Variants in BIRC6 observed in about 807,000 individuals in gnomAD.
BIRC6 encodes dual E2 ubiquitin-conjugating enzyme/E3 ubiquitin-protein ligase BIRC6.
Under a neutral mutation model 503.3 loss-of-function variants are expected in BIRC6, and 98 were observed. The ratio of observed to expected loss-of-function variants is 0.19; its 90% confidence interval spans 0.17 to 0.23. The LOEUF (loss-of-function observed/expected upper bound fraction) is 0.23, where lower values mean the gene tolerates loss of function less well. Ranked by LOEUF, BIRC6 falls within the 10% of genes least tolerant of loss-of-function variation. The pLI is 1.00. For missense variants in BIRC6, 5,360 were observed against 5,806.0 expected (o/e 0.92, Z 2.50); for synonymous variants, 2,240 against 2,078.7 (o/e 1.08, Z -2.11).
At chr2:32,547,459 A>G (rs2058128112) in intron 63 of BIRC6, among the ~76,000 whole-genome samples, 1 of 152,112 alleles carries the variant, frequency 6.6e-6, no homozygotes. Context: ...GAATCATGTA[A>G]TGTGTTGTTC....
At chr2:32,573,350 G>A (rs1396332897) in intron 65 of BIRC6, among the ~76,000 whole-genome samples, 2 of 151,916 alleles carry the variant, frequency 1.3e-5, no homozygotes, top group Non-Finnish European at 2.9e-5. Flanking sequence ...GACCTGTGCC[G>A]CCATGCCTAG....
chr2:32,473,878 C>T (rs942277567), intron 33 of BIRC6, among the ~76,000 whole-genome samples: 4 of 151,166 alleles, frequency 2.6e-5, no homozygotes, highest in Admixed American at 6.6e-5. Context: ...CTTAGCTTTC[C>T]GAGTAGCTGG....
intron 26 of BIRC6, among the ~76,000 whole-genome samples, chr2:32,465,485 A>C (rs996786729): frequency 8.6e-5 from 13 of 152,038 alleles, no homozygotes; most frequent in African/African-American, 3.1e-4. Context: ...AATATTCCTA[A>C]AACTAGCCTT....
intron 10 of BIRC6, among the ~76,000 whole-genome samples, chr2:32,427,123 A>T (rs1345690580): frequency 6.6e-6 from 1 of 152,108 alleles, no homozygotes; most frequent in Non-Finnish European, 1.5e-5. Flanking sequence ...TTTGAGGGTC[A>T]TTGAACTTGA....
At chr2:32,518,495 A>G in intron 56 of BIRC6, 98 bp downstream of exon 56, 1 of 1,270,366 alleles carries the variant, frequency 7.9e-7, no homozygotes, top group South Asian at 1.4e-5. Context: ...CTTCGAGTAT[A>G]GCAAAGTGAA....
chr2:32,573,552 T>G (rs1424164389), intron 65 of BIRC6, among the ~76,000 whole-genome samples: 4 of 152,114 alleles, frequency 2.6e-5, no homozygotes, highest in Non-Finnish European at 4.4e-5. Flanking sequence ...AGATGTTAGA[T>G]CCTTATCTCA....
chr2:32,588,457 T>C lies in BIRC6; in HGVS notation c.13356-5458T>C, dbSNP rs150266912. ...TGATTTGGTATCCACTTTCGTAGAT[T>C]AGGGCAATGTCTTGGTGATAAAATG... On this transcript the variant is annotated intron_variant, in intron 66 of 73. Coordinates refer to ENST00000421745, the MANE Select transcript of BIRC6 (RefSeq NM_016252.4). 2.9e-4 allele frequency among the ~76,000 whole-genome samples: 44 copies of C among 152,334 alleles called. No homozygotes were observed. The East Asian group carries it at 8.5e-3, about 29-fold the overall frequency.
chr2:32,390,535 G>A (rs1270744535), intron 4 of BIRC6, among the ~76,000 whole-genome samples: 3 of 152,070 alleles, frequency 2.0e-5, no homozygotes, highest in South Asian at 2.1e-4. Context: ...GGCTGGTCTC[G>A]AACTCCTGAC....
At chr2:32,542,085 A>C (rs889930546) in intron 61 of BIRC6, among the ~76,000 whole-genome samples, 2 of 151,908 alleles carry the variant, frequency 1.3e-5, no homozygotes, top group Non-Finnish European at 2.9e-5. Context: ...TGGCCTTGAC[A>C]GTTTTGAAGA....
At chr2:32,563,233 T>C (rs1281279229) in intron 65 of BIRC6, 2 of 152,226 alleles carry the variant, frequency 1.3e-5, no homozygotes, top group Admixed American at 1.3e-4. Flanking sequence ...AATGAGTTTA[T>C]AAAGCAGTGC....
At chr2:32,608,241 T>C (rs900055366) in intron 72 of BIRC6, among the ~76,000 whole-genome samples, 2 of 150,740 alleles carry the variant, frequency 1.3e-5, no homozygotes, top group Non-Finnish European at 2.9e-5. Flanking sequence ...TGCAGTAAGC[T>C]GTGTTCACAT....
In BIRC6 at chr2:32,463,375, G is replaced by T; in HGVS notation, c.4935G>T (p.Gln1645His). 6.2e-7 allele frequency: 1 copy of T among 1,610,812 alleles called. No homozygotes were observed. Among genetic ancestry groups the T allele is most frequent in the Non-Finnish European group, 8.5e-7 (1 of 1,178,476 alleles). Residue 1645 changes from glutamine (Q) to histidine (H), a missense_variant, in exon 24 of 74, where the codon CAG (glutamine) becomes CAT (histidine). Transcript: ENST00000421745. The stretch of plus-strand genomic sequence containing the variant: ...AACAGCAGCAGCTTTTGAAGCTTCA[G>T]CAACAGGTTGGAGACTATTTGGCTC... Reference protein sequence around the residue: ...QEKQQQLLKLQQQKAKLEAKL... With the variant: ...QEKQQQLLKLHQQKAKLEAKL...
intron 66 of BIRC6, among the ~76,000 whole-genome samples, chr2:32,578,979 A>AATATATATATATATATATATATAT (rs1407258691): frequency 0.04 from 2,955 of 74,068 alleles, 390 homozygotes; most frequent in African/African-American, 0.079. Flanking sequence ...TTATATACCT[A>AATATATATATATATATATATATAT]ATATATATAT....
In BIRC6 at chr2:32,436,405, G is replaced by GA. The variant is rs941357472; in HGVS notation, c.3631+227dup. 1.2e-4 allele frequency among the ~76,000 whole-genome samples: 18 copies of GA among 152,040 alleles called. 1 individual carries two copies. Among genetic ancestry groups the GA allele is most frequent in the Non-Finnish European group, 2.1e-4 (14 of 67,984 alleles). On this transcript the variant is annotated intron_variant, in intron 15 of 73. Transcript: ENST00000421745. ...GTCTTAAGAGGTCTCAGTGCTTTTT[G>GA]AAAAAACGTTGAAGAAATGACTACA...
Position 32,468,465 on chromosome 2 carries a change from A to G in BIRC6, c.5809A>G (p.Thr1937Ala), listed in dbSNP as rs535699565. 8.8e-6 allele frequency: 14 copies of G among 1,588,440 alleles called. No individual in the cohort carries two copies. The African/African-American group carries it at 1.8e-4, about 20-fold the overall frequency. ...RYNLACHRLE[T>A]LLQSIDLPPL... ...TAACTTGGCTTGTCATCGTCTGGAA[A>G]CCCTTTTGCAAAGTATTGATCTTCC... The change falls in exon 29 of 74, where the codon ACC (threonine) becomes GCC (alanine). Residue 1937 changes from threonine (T) to alanine (A), a missense_variant. Around this residue, in one of 16 missense-constraint regions of BIRC6, gnomAD observed 2,299 missense variants for 2,267.2 expected, o/e 1.01. Coordinates refer to ENST00000421745, the MANE Select transcript of BIRC6 (RefSeq NM_016252.4).
In BIRC6 at chr2:32,507,962, A is replaced by T. The variant is rs764799162; in HGVS notation, c.9701-18A>T. ...TATACTTTGTCTTTTGTGATGATTC[A>T]GTTTTCTCTTTTTATAGCCTGCCCT... On this transcript the variant is annotated intron_variant, in intron 50 of 73. Coordinates refer to ENST00000421745, the MANE Select transcript of BIRC6 (RefSeq NM_016252.4). The T allele has an allele frequency of 5.6e-6, 9 of 1,604,764 alleles. No homozygotes were observed. The highest frequency in any genetic ancestry group is 1.1e-5 in the South Asian group (1 of 90,106).
chr2:32,589,893 T>C (rs1474446301), intron 66 of BIRC6, among the ~76,000 whole-genome samples: 1 of 152,238 alleles, frequency 6.6e-6, no homozygotes, highest in Non-Finnish European at 1.5e-5. Flanking sequence ...AGGCTTCTTA[T>C]AACTATTTTA....
chr2:32,473,338 A>G, intron 33 of BIRC6, 99 bp downstream of exon 33: 2 of 980,582 alleles, frequency 2.0e-6, no homozygotes, highest in Non-Finnish European at 1.5e-6. Flanking sequence ...ATAACATTTA[A>G]TGGGCTCTTA....
chr2:32,422,745 A>G (rs1257043590), intron 10 of BIRC6, among the ~76,000 whole-genome samples: 3 of 152,146 alleles, frequency 2.0e-5, no homozygotes, highest in East Asian at 1.9e-4. Flanking sequence ...CTCTCTTACT[A>G]TGTTTTAAGA....
Sources: gnomAD v4.1 joint callset for allele counts (sites outside exome capture counted in the v4.1 genomes callset) on GRCh38, gnomAD v4.1.1 for gene constraint, gnomAD v4.1.1 regional missense constraint, MANE v1.5 for transcripts, NCBI Gene and HGNC (gene_info 2026-07-23, HGNC 2026-07-21) for gene names.